C12orf42: variants seen among roughly 807,000 people sequenced by gnomAD.
C12orf42 encodes chromosome 12 open reading frame 42.
A neutral mutation model predicts 21.6 loss-of-function variants in C12orf42; 25 were observed. The ratio of observed to expected loss-of-function variants is 1.16; its 90% CI spans 0.84 to 1.62. The LOEUF (loss-of-function observed/expected upper bound fraction) is 1.62, where lower values mean the gene tolerates loss of function less well. C12orf42 is among the 40% of genes most tolerant of loss of function. The pLI, the probability that C12orf42 is intolerant of heterozygous loss-of-function variation, is 0.00. For synonymous variants in C12orf42, 174 were observed against 175.0 expected (o/e 0.99, Z 0.05); for missense variants, 483 against 459.3 (o/e 1.05, Z -0.47).
At chr12:103,426,014 C>A (rs114583448) in intron 2 of C12orf42, among the ~76,000 whole-genome samples, 3,027 of 152,300 alleles carry the variant, frequency 0.02, 96 homozygotes, top group African/African-American at 0.069. Context: ...GAAAAACCAG[C>A]CCCAAAAGGC....
the C12orf42 span, among the ~76,000 whole-genome samples, chr12:103,228,688 T>G: frequency 0.32 from 48,362 of 151,880 alleles, 8,363 homozygotes; most frequent in Non-Finnish European, 0.39. Context: ...TATACAAATG[T>G]AAATTTACAT....
the C12orf42 span, among the ~76,000 whole-genome samples, chr12:103,216,529 A>G: frequency 6.6e-6 from 1 of 151,524 alleles, no homozygotes; most frequent in African/African-American, 2.4e-5. Flanking sequence ...TCCTGCCACC[A>G]CGCCTGGCTA....
the C12orf42 span, among the ~76,000 whole-genome samples, chr12:103,056,745 C>T: frequency 2.8e-3 from 424 of 151,926 alleles, 2 homozygotes; most frequent in Non-Finnish European, 2.3e-3. Context: ...TGGACACATC[C>T]GTTGAGTTTT....
At chr12:103,062,029 G>C in the C12orf42 span, among the ~76,000 whole-genome samples, 1 of 151,752 alleles carries the variant, frequency 6.6e-6, no homozygotes, top group Non-Finnish European at 1.5e-5. Context: ...AAATTACAAT[G>C]TTTACATGCA....
At chr12:103,401,524 C>A in intron 3 of C12orf42, 83 bp downstream of exon 3, 1 of 1,144,432 alleles carries the variant, frequency 8.7e-7, no homozygotes, top group South Asian at 1.4e-5. Flanking sequence ...TACAAAGAAA[C>A]AAATCTGCTT....
At chr12:103,138,467 T>C in the C12orf42 span, among the ~76,000 whole-genome samples, 7 of 152,210 alleles carry the variant, frequency 4.6e-5, no homozygotes, top group African/African-American at 1.7e-4. Context: ...CCTTCTGTCA[T>C]GATTGTAAGT....
intron 2 of C12orf42, among the ~76,000 whole-genome samples, chr12:103,410,004 T>A (rs2048710936): frequency 6.6e-6 from 1 of 152,196 alleles, no homozygotes; most frequent in East Asian, 1.9e-4. Context: ...CCTGAGACAT[T>A]TCATGTTTAG....
chr12:103,398,383 A>C (rs77574259), intron 3 of C12orf42, among the ~76,000 whole-genome samples: 1 of 152,200 alleles, frequency 6.6e-6, no homozygotes, highest in Non-Finnish European at 1.5e-5. Context: ...TTCTCTTACA[A>C]ATTTGTGGGA....
intron 2 of C12orf42, among the ~76,000 whole-genome samples, chr12:103,455,562 G>T (rs1430427188): frequency 6.6e-6 from 1 of 151,960 alleles, no homozygotes; most frequent in Admixed American, 6.6e-5. Context: ...CTTCCTCTCT[G>T]CTCCTCTCAA....
At chr12:103,304,999 G>A (rs183595027) in intron 5 of C12orf42, among the ~76,000 whole-genome samples, 1 of 152,264 alleles carries the variant, frequency 6.6e-6, no homozygotes, top group East Asian at 1.9e-4. Flanking sequence ...TAAAGCAGGG[G>A]TGTCCAATCT....
intron 2 of C12orf42, among the ~76,000 whole-genome samples, chr12:103,440,457 C>CAAAAAAAAAAAAAAAA: frequency 4.3e-5 from 3 of 69,664 alleles, no homozygotes; most frequent in Non-Finnish European, 7.4e-5. Flanking sequence ...TCACAGATAC[C>CAAAAAAAAAAAAAAAA]AAAAAAAAAA....
chr12:103,302,680 GAAA>G (rs77313816), intron 5 of C12orf42, 121 bp from the exon 6 acceptor site: 70 of 468,360 alleles, frequency 1.5e-4, no homozygotes, highest in South Asian at 3.6e-4. Context: ...AGAGGGGAAA[GAAA>G]AAAAAAAAAA....
At chr12:103,546,546 G>T in the C12orf42 span, among the ~76,000 whole-genome samples, 1 of 152,108 alleles carries the variant, frequency 6.6e-6, no homozygotes, top group African/African-American at 2.4e-5. Context: ...AAGAAAATGG[G>T]GAAAAATAGA....
the C12orf42 span, among the ~76,000 whole-genome samples, chr12:103,103,474 G>C: frequency 6.6e-6 from 1 of 152,210 alleles, no homozygotes; most frequent in Non-Finnish European, 1.5e-5. Context: ...CATTGAATCA[G>C]AGAGGTAGAT....
chr12:103,309,512 T>G (rs904158000), intron 4 of C12orf42, among the ~76,000 whole-genome samples: 1 of 152,130 alleles, frequency 6.6e-6, no homozygotes, highest in East Asian at 1.9e-4. Context: ...AGCTAAATTT[T>G]GGGGGAGTCA....
chr12:103,343,479 C>T (rs1260513885), intron 4 of C12orf42, among the ~76,000 whole-genome samples: 1 of 151,714 alleles, frequency 6.6e-6, no homozygotes, highest in East Asian at 1.9e-4. Context: ...GGAATCAGTG[C>T]AAAAAAACAC....
At chr12:103,426,324 T>C (rs1949806092) in intron 2 of C12orf42, among the ~76,000 whole-genome samples, 2 of 152,106 alleles carry the variant, frequency 1.3e-5, no homozygotes, top group Non-Finnish European at 1.5e-5. Context: ...TACACAAGTA[T>C]CAAAGCTGAA....
chr12:103,301,159 T>C (rs1255953965), downstream of C12orf42, among the ~76,000 whole-genome samples: 1 of 152,176 alleles, frequency 6.6e-6, no homozygotes, highest in Non-Finnish European at 1.5e-5. Flanking sequence ...GTAATCATAC[T>C]GTGTATATTA....
chr12:103,154,318 C>T, the C12orf42 span, among the ~76,000 whole-genome samples: 45,178 of 151,796 alleles, frequency 0.3, 7,107 homozygotes, highest in East Asian at 0.4. Flanking sequence ...ATAAGTCTGC[C>T]TTTTTGTTGG....
Sources: gnomAD v4.1 joint callset for allele counts (sites outside exome capture counted in the v4.1 genomes callset) on GRCh38, gnomAD v4.1.1 for gene constraint, MANE v1.5 for transcripts, NCBI Gene and HGNC (gene_info 2026-07-23, HGNC 2026-07-21) for gene names.